Variants in PLPP4 observed in about 807,000 individuals in gnomAD.
The protein encoded by PLPP4 is diacylglycerol pyrophosphate like 2.
PLPP4 carries 20 observed loss-of-function variants against 32.2 expected under a neutral mutation model. The ratio of observed to expected loss-of-function variants is 0.62; its 90% CI spans 0.44 to 0.90. PLPP4 has a LOEUF of 0.90. Ranked by LOEUF, PLPP4 falls within the 40% of genes least tolerant of loss-of-function variation. PLPP4 has a pLI of 0.00. For synonymous variants in PLPP4, 127 were observed against 133.0 expected (o/e 0.95, Z 0.31); for missense variants, 257 against 353.1 (o/e 0.73, Z 2.18).
chr10:120,479,688 C>T (rs1474355364), intron 1 of PLPP4, among the ~76,000 whole-genome samples: 1 of 152,188 alleles, frequency 6.6e-6, no homozygotes, highest in Admixed American at 6.5e-5. Context: ...TGTTTACCCA[C>T]ACCATTAATG....
At chr10:120,580,618 ATC>A (rs1849450651) in intron 6 of PLPP4, among the ~76,000 whole-genome samples, 1 of 125,126 alleles carries the variant, frequency 8.0e-6, no homozygotes, top group South Asian at 2.6e-4. Flanking sequence ...CTCTGTCTCC[ATC>A]TCTCTGTCTG....
intron 1 of PLPP4, among the ~76,000 whole-genome samples, chr10:120,465,691 A>G (rs899121986): frequency 2.0e-5 from 3 of 152,202 alleles, no homozygotes; most frequent in African/African-American, 7.2e-5. Context: ...AGTTCAACCT[A>G]AAATAACATA....
At chr10:120,566,382 T>G (rs1259168696) in intron 5 of PLPP4, among the ~76,000 whole-genome samples, 1 of 152,178 alleles carries the variant, frequency 6.6e-6, no homozygotes, top group African/African-American at 2.4e-5. Flanking sequence ...AACTCCCCAC[T>G]TAAGGTTTTT....
chr10:120,497,623 C>T (rs1362587582), intron 1 of PLPP4, among the ~76,000 whole-genome samples: 3 of 151,592 alleles, frequency 2.0e-5, no homozygotes, highest in Non-Finnish European at 2.9e-5. Flanking sequence ...TTTTTCTTGC[C>T]CTGTCTTATG....
chr10:120,473,850 G>A (rs1319893481), intron 1 of PLPP4, among the ~76,000 whole-genome samples: 1 of 152,108 alleles, frequency 6.6e-6, no homozygotes, highest in African/African-American at 2.4e-5. Flanking sequence ...GTTTCCAGGA[G>A]CCTCCCCAGC....
Position 120,462,079 on chromosome 10 carries a change from C to T in PLPP4, c.56+4718C>T, listed in dbSNP as rs186887871. Among the ~76,000 whole-genome samples, 8 of 152,292 alleles carry T rather than the reference C, an allele frequency of 5.3e-5. No individual in the cohort carries two copies. The East Asian group carries it at 1.5e-3, about 29-fold the overall frequency. ...TTCACTGAGAAGGAGGATGCATGTG[C>T]CAGGGAAGGCTGCCCAGGGCTGAGC... On this transcript the variant is annotated intron_variant, in intron 1 of 6. Transcript: ENST00000398250.
chr10:120,482,303 A>T (rs1357804564), intron 1 of PLPP4, among the ~76,000 whole-genome samples: 1 of 152,222 alleles, frequency 6.6e-6, no homozygotes, highest in South Asian at 2.1e-4. Context: ...CAAAATGCTG[A>T]TAATGATATT....
At chr10:120,516,743 A>G (rs1018793513) in intron 3 of PLPP4, among the ~76,000 whole-genome samples, 13 of 152,312 alleles carry the variant, frequency 8.5e-5, no homozygotes, top group African/African-American at 2.9e-4. Context: ...TTGCTAATGA[A>G]CAAGTATTCC....
intron 3 of PLPP4, among the ~76,000 whole-genome samples, chr10:120,518,036 T>A (rs928473994): frequency 6.6e-6 from 1 of 152,228 alleles, no homozygotes; most frequent in African/African-American, 2.4e-5. Context: ...ATCACATTGA[T>A]GGTGATGACT....
chr10:120,493,684 G>C (rs894572051), intron 1 of PLPP4, among the ~76,000 whole-genome samples: 1 of 152,160 alleles, frequency 6.6e-6, no homozygotes, highest in Non-Finnish European at 1.5e-5. Context: ...GTGTGTTTAG[G>C]AGGGTACAGC....
chr10:120,457,559 C>T (rs1847845962), intron 1 of PLPP4, among the ~76,000 whole-genome samples, 198 bp downstream of exon 1: 1 of 151,994 alleles, frequency 6.6e-6, no homozygotes, highest in Non-Finnish European at 1.5e-5. Context: ...ACCCTAGGCG[C>T]GGAGCGACCA....
At chr10:120,553,624 A>G (rs10788102) in intron 5 of PLPP4, among the ~76,000 whole-genome samples, 50,667 of 151,916 alleles carry the variant, frequency 0.33, 8,519 homozygotes, top group Middle Eastern at 0.4. Flanking sequence ...GGCAAAGTAC[A>G]TATCTTGAGA....
rs1392001551 is a variant in PLPP4 at position 120,457,991 on chromosome 10, CAGGGGT to C, written c.56+633_56+638del. Among the ~76,000 whole-genome samples, 3 of 152,240 alleles carry C rather than the reference CAGGGGT, an allele frequency of 2.0e-5. No homozygotes were observed. In the East Asian group the frequency reaches 5.8e-4, roughly 29 times the overall value. On this transcript the variant is annotated intron_variant, in intron 1 of 6. Transcript: ENST00000398250. ...GTCCGCTTTGGGGGCGGAGGCCCTC[CAGGGGT>C]AGCCGTGAAATGCCCAGGGTGGCTT...
chr10:120,528,970 C>T (rs1177187325), intron 5 of PLPP4, among the ~76,000 whole-genome samples: 1 of 123,742 alleles, frequency 8.1e-6, no homozygotes, highest in Non-Finnish European at 1.8e-5. Flanking sequence ...GCAAGAGCCC[C>T]TCATGTTTTT....
At chr10:120,520,343 C>T (rs1846099272) in intron 4 of PLPP4, among the ~76,000 whole-genome samples, 2 of 152,120 alleles carry the variant, frequency 1.3e-5, no homozygotes, top group Non-Finnish European at 2.9e-5. Flanking sequence ...AAGTGGCCAC[C>T]CAAATTCAGG....
intron 1 of PLPP4, among the ~76,000 whole-genome samples, chr10:120,499,905 C>T (rs536649913): frequency 1.3e-5 from 2 of 152,292 alleles, no homozygotes; most frequent in African/African-American, 4.8e-5. Context: ...GGCATGTCCT[C>T]TCTTGGGAAC....
At chr10:120,546,254 C>G (rs1406120374) in intron 5 of PLPP4, among the ~76,000 whole-genome samples, 1 of 152,092 alleles carries the variant, frequency 6.6e-6, no homozygotes, top group African/African-American at 2.4e-5. Flanking sequence ...AGTCCTGTCC[C>G]TCTAGAGAAC....
chr10:120,568,768 G>A (rs562759980), intron 5 of PLPP4, among the ~76,000 whole-genome samples: 37 of 152,170 alleles, frequency 2.4e-4, no homozygotes, highest in African/African-American at 8.7e-4. Context: ...AGTTATCCTG[G>A]GGATTTAGAC....
chr10:120,508,059 C>T (rs1423660366), intron 2 of PLPP4, among the ~76,000 whole-genome samples: 4 of 152,096 alleles, frequency 2.6e-5, no homozygotes, highest in Admixed American at 6.5e-5. Context: ...TTGCTTCGAC[C>T]GTGATATGTC....
Sources: allele counts gnomAD v4.1 joint callset (sites outside exome capture counted in the v4.1 genomes callset), GRCh38; gene constraint gnomAD v4.1.1; transcripts MANE v1.5; gene names NCBI Gene and HGNC (gene_info 2026-07-23, HGNC 2026-07-21).